Variants in MPDZ observed in about 807,000 individuals in gnomAD.
MPDZ encodes the protein multiple PDZ domain protein.
Under a neutral mutation model 239.1 loss-of-function variants are expected in MPDZ, and 234 were observed. That is an observed-to-expected ratio of 0.98 (90% CI 0.88 to 1.09). The LOEUF is 1.09. MPDZ is among the 50% of genes least tolerant of loss of function. MPDZ has a pLI of 0.00. For missense variants in MPDZ, 3,175 were observed against 2,510.0 expected (o/e 1.26, Z -5.66); for synonymous variants, 1,048 against 881.3 (o/e 1.19, Z -3.35).
intron 3 of MPDZ, among the ~76,000 whole-genome samples, chr9:13,227,712 C>T (rs1261540724): frequency 6.6e-6 from 1 of 152,014 alleles, no homozygotes; most frequent in Non-Finnish European, 1.5e-5. Flanking sequence ...AAAATGAGAA[C>T]TGTATAAAAG....
chr9:13,235,799 A>T (rs1431391895), intron 3 of MPDZ, among the ~76,000 whole-genome samples: 4 of 152,200 alleles, frequency 2.6e-5, no homozygotes, highest in Admixed American at 1.3e-4. Context: ...GTGCTAAAAA[A>T]GTTAAACTGT....
In MPDZ at chr9:13,219,595, G is replaced by A. The variant is rs376310061; in HGVS notation, c.1050C>T (p.Thr350=). The A allele has an allele frequency of 6.2e-7, 1 of 1,612,200 alleles. No homozygotes were observed. Among genetic ancestry groups the A allele is most frequent in the Non-Finnish European group, 8.5e-7 (1 of 1,179,000 alleles). The change falls in exon 8 of 47, where the codon ACC becomes ACT. Residue 350 remains threonine, a synonymous_variant. Transcript: ENST00000319217. ...ERTAPTALGI[T]LSSSPTSTPE... ...GTGTTGAAGTTGGGGATGAGGAGAG[G>A]GTGATGCCCAAAGCAGTGGGTGCTG... is the stretch of plus-strand genomic sequence containing the variant.
intron 24 of MPDZ, among the ~76,000 whole-genome samples, chr9:13,155,475 CACA>C (rs1244310515): frequency 1.3e-5 from 2 of 152,048 alleles, no homozygotes; most frequent in Non-Finnish European, 2.9e-5. Flanking sequence ...TGAAATGCAA[CACA>C]ACAACTAAAT....
At chr9:13,117,652 C>G (rs1190422203) in intron 39 of MPDZ, among the ~76,000 whole-genome samples, 1 of 152,094 alleles carries the variant, frequency 6.6e-6, no homozygotes, top group African/African-American at 2.4e-5. Flanking sequence ...AATTTTCCCA[C>G]TATTACAAAT....
intron 3 of MPDZ, among the ~76,000 whole-genome samples, chr9:13,234,703 G>C (rs911630801): frequency 1.3e-5 from 2 of 152,058 alleles, no homozygotes; most frequent in African/African-American, 4.8e-5. Flanking sequence ...TACATTGCTA[G>C]TTCAGTTTCC....
In MPDZ at chr9:13,140,121, T is replaced by C; in HGVS notation, c.3869A>G (p.Glu1290Gly). 2 of 1,613,482 alleles carry C rather than the reference T, an allele frequency of 1.2e-6. No individual in the cohort carries two copies. Among genetic ancestry groups the C allele is most frequent in the South Asian group, 2.2e-5 (2 of 91,076 alleles). Residue 1290 changes from glutamate (E) to glycine (G), a missense_variant, in exon 28 of 47, where the codon GAG becomes GGG. Coordinates refer to ENST00000319217, the MANE Select transcript of MPDZ (RefSeq NM_001378778.1). ...GGGCACACTGCACAATGGAGCCTTC[T>C]CTGGCTCTGACTCTGACTGACTGGG... ...KAPSQSESEPEKAPLCSVPPP... is the reference protein window; with the variant it reads ...KAPSQSESEPGKAPLCSVPPP...
chr9:13,258,878 T>C (rs969215162), intron 1 of MPDZ, among the ~76,000 whole-genome samples: 1 of 152,148 alleles, frequency 6.6e-6, no homozygotes, highest in African/African-American at 2.4e-5. Flanking sequence ...GAACATTAAC[T>C]TCACAACATA....
intron 3 of MPDZ, among the ~76,000 whole-genome samples, chr9:13,225,877 G>C (rs925053492): frequency 1.3e-5 from 2 of 151,984 alleles, no homozygotes; most frequent in Non-Finnish European, 2.9e-5. Flanking sequence ...CTTCCAGTTT[G>C]GAATCCTCCC....
intron 46 of MPDZ, 79 bp downstream of exon 46, chr9:13,108,857 A>T: frequency 6.8e-7 from 1 of 1,467,884 alleles, no homozygotes; most frequent in Non-Finnish European, 9.2e-7. Context: ...ACCTCAGGCC[A>T]TAAACTAATA....
rs139918938 is a variant in MPDZ at position 13,227,010 on chromosome 9, C to T, written c.184-2427G>A. On this transcript the variant is annotated intron_variant, in intron 3 of 46. Coordinates refer to ENST00000319217, the MANE Select transcript of MPDZ (RefSeq NM_001378778.1). The stretch of plus-strand genomic sequence containing the variant: ...TTTTCATCACGGTGTTCCTATCATC[C>T]TTGTATTATACAGAAAACATACAGT... 5.3e-5 allele frequency among the ~76,000 whole-genome samples: 8 copies of T among 152,052 alleles called. No homozygotes were observed. The East Asian group carries it at 1.6e-3, about 30-fold the overall frequency.
Position 13,121,719 on chromosome 9 carries a change from T to C in MPDZ, c.5231+20A>G, listed in dbSNP as rs1234522249. ...CCATCATTTCCAAGGGAGCATTGGG[T>C]TTGTCCTCCTCAATCACACCTTTTA... On this transcript the variant is annotated intron_variant, in intron 38 of 46. Transcript: ENST00000319217. 3 of 1,613,204 alleles carry C rather than the reference T, an allele frequency of 1.9e-6. No homozygotes were observed. The highest frequency in any genetic ancestry group is 2.5e-6 in the Non-Finnish European group (3 of 1,179,204).
At chr9:13,221,766 T>C (rs1959132544) in intron 6 of MPDZ, among the ~76,000 whole-genome samples, 1 of 151,804 alleles carries the variant, frequency 6.6e-6, no homozygotes, top group Admixed American at 6.6e-5. Context: ...ATTTGCAAGA[T>C]CTTTTGTAGA....
At chr9:13,226,773 G>T (rs955444398) in intron 3 of MPDZ, among the ~76,000 whole-genome samples, 1 of 152,032 alleles carries the variant, frequency 6.6e-6, no homozygotes, top group Non-Finnish European at 1.5e-5. Context: ...GGAAATTTTT[G>T]ACTATTTTAT....
chr9:13,225,265 G>A (rs1207682716), intron 3 of MPDZ, among the ~76,000 whole-genome samples: 1 of 151,954 alleles, frequency 6.6e-6, no homozygotes, highest in Non-Finnish European at 1.5e-5. Flanking sequence ...ATTATTGAAG[G>A]AAGTTTTTGT....
chr9:13,208,961 T>C (rs1423470892), intron 10 of MPDZ, among the ~76,000 whole-genome samples: 1 of 152,036 alleles, frequency 6.6e-6, no homozygotes, highest in Non-Finnish European at 1.5e-5. Context: ...GCAACAAAAC[T>C]GGAAACCAAA....
At chr9:13,111,077 A>G (rs1371118614) in intron 43 of MPDZ, among the ~76,000 whole-genome samples, 1 of 152,210 alleles carries the variant, frequency 6.6e-6, no homozygotes, top group African/African-American at 2.4e-5. Context: ...ATTTCTCTGG[A>G]CATTACTATT....
At chr9:13,162,030 C>T (rs911640639) in intron 23 of MPDZ, among the ~76,000 whole-genome samples, 3 of 152,124 alleles carry the variant, frequency 2.0e-5, no homozygotes, top group East Asian at 1.9e-4. Flanking sequence ...TTTGGCAGGA[C>T]GAGGTGGGCA....
chr9:13,112,011 T>C lies in MPDZ; in HGVS notation c.5724+13A>G, dbSNP rs1285826797. On this transcript the variant is annotated intron_variant, in intron 43 of 46. Coordinates refer to ENST00000319217, the MANE Select transcript of MPDZ (RefSeq NM_001378778.1). ...ATTTTGCTAGGGCTTCTAGGGTTGA[T>C]AGTACGACTCACTCTGAGTTTTTGG... 5.0e-6 allele frequency: 8 copies of C among 1,612,714 alleles called. No individual in the cohort carries two copies. The highest frequency in any genetic ancestry group is 5.9e-6 in the Non-Finnish European group (7 of 1,179,138).
At chr9:13,274,125 T>C (rs1973628019) in intron 1 of MPDZ, among the ~76,000 whole-genome samples, 2 of 152,174 alleles carry the variant, frequency 1.3e-5, no homozygotes, top group Non-Finnish European at 1.5e-5. Context: ...CAGGCAAGCT[T>C]TCCGTCTTCT....
Sources: allele counts gnomAD v4.1 joint callset (sites outside exome capture counted in the v4.1 genomes callset), GRCh38; gene constraint gnomAD v4.1.1; transcripts MANE v1.5; gene names NCBI Gene and HGNC (gene_info 2026-07-23, HGNC 2026-07-21).